PIWIL1: variants seen among roughly 807,000 people sequenced by gnomAD.
PIWIL1 encodes piwi-like protein 1.
PIWIL1 carries 73 observed loss-of-function variants against 114.4 expected under a neutral mutation model. That is an observed-to-expected ratio of 0.64 (90% confidence interval 0.53 to 0.78). PIWIL1 has a LOEUF of 0.78. PIWIL1 is among the 30% of genes least tolerant of loss of function. The pLI is 0.00. For synonymous variants in PIWIL1, 375 were observed against 369.0 expected (o/e 1.02, Z -0.19); for missense variants, 723 against 1,063.1 (o/e 0.68, Z 4.45).
chr12:130,347,114 T>C (rs746652163), intron 6 of PIWIL1, 52 bp downstream of exon 6: 2 of 1,321,770 alleles, frequency 1.5e-6, no homozygotes, highest in Non-Finnish European at 2.2e-6. Flanking sequence ...GTTGAAATAA[T>C]TGTACATTGA....
At chr12:130,339,508 A>C (rs1016378355) in intron 1 of PIWIL1, 1 of 152,072 alleles carries the variant, frequency 6.6e-6, no homozygotes, top group African/African-American at 2.4e-5. Context: ...CGTTAGGTGG[A>C]AGCGTCTTTG....
chr12:130,346,146 T>C (rs1593088481), intron 4 of PIWIL1, among the ~76,000 whole-genome samples: 1 of 152,228 alleles, frequency 6.6e-6, no homozygotes, highest in Non-Finnish European at 1.5e-5. Context: ...TATTTGTAAA[T>C]TACTTAGTCT....
chr12:130,392,689 C>G, the PIWIL1 span, among the ~76,000 whole-genome samples: 2 of 101,824 alleles, frequency 2.0e-5, no homozygotes, highest in African/African-American at 3.3e-5. Context: ...CTGTCAGTTA[C>G]CTGGTGAATA....
the PIWIL1 span, chr12:130,424,629 C>T: frequency 8.1e-6 from 10 of 1,231,814 alleles, no homozygotes; most frequent in Non-Finnish European, 1.0e-5. This position sits in a 1 kb window ranked among gnomAD's most constrained non-coding sequence, Gnocchi z 9.8. Context: ...GAACCAGGAG[C>T]CCCGAGGGGC....
At chr12:130,423,088 CT>C in the PIWIL1 span, among the ~76,000 whole-genome samples, 1 of 152,216 alleles carries the variant, frequency 6.6e-6, no homozygotes, top group African/African-American at 2.4e-5. Flanking sequence ...TCTGAAAATG[CT>C]GGTAACATTC....
At chr12:130,414,488 C>A in the PIWIL1 span, 353,912 of 557,812 alleles carry the variant, frequency 0.63, 113,566 homozygotes, top group Non-Finnish European at 0.67. Flanking sequence ...TGGAGAAGCA[C>A]ATAACCACAG....
the PIWIL1 span, among the ~76,000 whole-genome samples, chr12:130,379,139 T>G: frequency 6.6e-6 from 1 of 152,252 alleles, no homozygotes; most frequent in South Asian, 2.1e-4. Flanking sequence ...AGTATCTTCC[T>G]TAGCTGTTTA....
At chr12:130,338,938 G>T (rs1278239723) in intron 1 of PIWIL1, among the ~76,000 whole-genome samples, 2 of 151,798 alleles carry the variant, frequency 1.3e-5, no homozygotes, top group Non-Finnish European at 1.5e-5. Flanking sequence ...AGTTGCCGGG[G>T]GTGCGGGGGC....
the PIWIL1 span, among the ~76,000 whole-genome samples, chr12:130,409,705 T>A: frequency 6.6e-6 from 1 of 152,172 alleles, no homozygotes; most frequent in Non-Finnish European, 1.5e-5. Flanking sequence ...TTCACCCCTG[T>A]CACTGGCTGT....
In PIWIL1 at chr12:130,361,276, G is replaced by A; in HGVS notation, c.1762G>A (p.Ala588Thr). Residue 588 changes from alanine to threonine, a missense_variant, in exon 15 of 21, where the codon GCC (alanine) becomes ACC (threonine). Coordinates refer to ENST00000245255, the MANE Select transcript of PIWIL1 (RefSeq NM_004764.5). ...CCCTACCCCAAGTCAGTGTGTGGTG[G>A]CCCGAACCTTAGGCAAACAGCAAAC... ...DCPTPSQCVV[A>T]RTLGKQQTVM... The A allele has an allele frequency of 6.2e-7, 1 of 1,614,064 alleles. No homozygotes were observed. The highest frequency in any genetic ancestry group is 8.5e-7 in the Non-Finnish European group (1 of 1,179,986).
At chr12:130,338,858 G>GGGGGTGCA (rs1474912287) in intron 1 of PIWIL1, among the ~76,000 whole-genome samples, 1 of 140,408 alleles carries the variant, frequency 7.1e-6, no homozygotes, top group Admixed American at 7.0e-5. Context: ...GCCGGGGTGC[G>GGGGGTGCA]GGGGTGCAGG....
chr12:130,346,185 T>G (rs1177140161), intron 4 of PIWIL1, among the ~76,000 whole-genome samples, 185 bp from the exon 5 acceptor site: 3 of 152,252 alleles, frequency 2.0e-5, no homozygotes, highest in African/African-American at 4.8e-5. Context: ...AATGTATGCT[T>G]CTTTAGAAAT....
At chr12:130,422,938 C>T in the PIWIL1 span, among the ~76,000 whole-genome samples, 1 of 152,178 alleles carries the variant, frequency 6.6e-6, no homozygotes, top group Admixed American at 6.5e-5. This position sits in a 1 kb window ranked among gnomAD's most constrained non-coding sequence, Gnocchi z 5.2. Flanking sequence ...ATGCCCCCCT[C>T]CCAGCTGTCA....
At chr12:130,357,290 GT>G (rs1267673381) in intron 13 of PIWIL1, among the ~76,000 whole-genome samples, 185 bp downstream of exon 13, 3 of 152,010 alleles carry the variant, frequency 2.0e-5, no homozygotes, top group Non-Finnish European at 4.4e-5. Flanking sequence ...AAGTAAGACA[GT>G]TTCTGAAACC....
the PIWIL1 span, chr12:130,414,390 T>A: frequency 7.4e-7 from 1 of 1,360,230 alleles, no homozygotes; most frequent in South Asian, 1.4e-5. Context: ...TGGAAAGCAG[T>A]GAGGATGGCA....
At chr12:130,424,879 G>C in the PIWIL1 span, 2 of 1,216,716 alleles carry the variant, frequency 1.6e-6, no homozygotes, top group Admixed American at 4.2e-5. This position sits in a 1 kb window ranked among gnomAD's most constrained non-coding sequence, Gnocchi z 9.8. Flanking sequence ...GGTGTGTCAA[G>C]AACAGGCGCG....
intron 19 of PIWIL1, among the ~76,000 whole-genome samples, chr12:130,368,685 C>T (rs1421923833): frequency 6.6e-6 from 1 of 152,110 alleles, no homozygotes; most frequent in Non-Finnish European, 1.5e-5. Context: ...TCAAAACGAC[C>T]CCCGATGCTT....
intron 3 of PIWIL1, 33 bp from the exon 4 acceptor site, chr12:130,345,720 T>C: frequency 6.2e-7 from 1 of 1,612,546 alleles, no homozygotes; most frequent in Non-Finnish European, 8.5e-7. Context: ...ATTTCGTGCT[T>C]TATGTTGCTC....
At chr12:130,371,364 A>G in intron 20 of PIWIL1, 41 bp downstream of exon 20, 5 of 1,613,084 alleles carry the variant, frequency 3.1e-6, no homozygotes, top group Non-Finnish European at 4.2e-6. Context: ...AATAAAGGAC[A>G]TTCACTTTTC....
Sources: gnomAD v4.1 joint callset for allele counts (sites outside exome capture counted in the v4.1 genomes callset) on GRCh38, gnomAD v4.1.1 for gene constraint, Gnocchi (gnomAD v3.1) non-coding constraint, MANE v1.5 for transcripts, NCBI Gene and HGNC (gene_info 2026-07-23, HGNC 2026-07-21) for gene names.